The following NLRP12 variants were observed in gnomAD, a reference collection of about 807,000 sequenced individuals.
NLRP12 encodes NACHT, LRR and PYD domains-containing protein 12.
NLRP12 carries 108 observed loss-of-function variants against 91.2 expected under a neutral mutation model. The ratio of observed to expected loss-of-function variants is 1.18; its 90% CI spans 1.01 to 1.39. NLRP12 has a LOEUF of 1.39. Among genes scored for constraint, NLRP12 ranks in the 40% most tolerant of loss-of-function variants. The probability of loss-of-function intolerance (pLI) is 0.00; values close to 1 mark genes in which losing one functional copy is unlikely to be tolerated. For synonymous variants in NLRP12, 613 were observed against 566.7 expected (o/e 1.08, Z -1.16); for missense variants, 1,530 against 1,352.7 (o/e 1.13, Z -2.06).
At chr19:53,797,968 C>T (rs1199834784) in intron 8 of NLRP12, among the ~76,000 whole-genome samples, 2 of 152,152 alleles carry the variant, frequency 1.3e-5, no homozygotes, top group African/African-American at 4.8e-5. Context: ...CTCCTGACCT[C>T]AGGTGATCCA....
At chr19:53,799,353 T>TAAA (rs201032573) in intron 7 of NLRP12, among the ~76,000 whole-genome samples, 2 of 151,814 alleles carry the variant, frequency 1.3e-5, no homozygotes, top group African/African-American at 4.8e-5. Context: ...GGTGCCTTGA[T>TAAA]AAAAAAAATA....
At position 53,814,995 on chromosome 19, in the gene NLRP12, G is replaced by A; in HGVS notation, c.290-7C>T. 1 of 1,610,792 alleles carries A rather than the reference G, an allele frequency of 6.2e-7. No homozygotes were observed. Among genetic ancestry groups the A allele is most frequent in the Non-Finnish European group, 8.5e-7 (1 of 1,176,956 alleles). Reference sequence around the variant, plus strand: ...GGGCCACCAGGTGGGGTATCTGGAAGAGAAATTGTGGAAGATGAGCTAGCA... The same window carrying A: ...GGGCCACCAGGTGGGGTATCTGGAAAAGAAATTGTGGAAGATGAGCTAGCA... On this transcript the variant is annotated splice_polypyrimidine_tract_variant and splice_region_variant and intron_variant, in intron 1 of 9. Coordinates refer to ENST00000324134, the MANE Select transcript of NLRP12 (RefSeq NM_144687.4).
In NLRP12 at chr19:53,814,937, A is replaced by G. The variant is rs1381639772; in HGVS notation, c.341T>C (p.Leu114Pro). The change falls in exon 2 of 10, where the codon CTG becomes CCG. Residue 114 changes from leucine (L) to proline (P), a missense_variant. By Grantham distance (98) the Leu-to-Pro change is moderately conservative. Coordinates refer to ENST00000324134, the MANE Select transcript of NLRP12 (RefSeq NM_144687.4). Reference protein sequence around the residue: ...SSLGNQSTCLLEVSLVTPRKD... With the variant: ...SSLGNQSTCLPEVSLVTPRKD... Reference sequence around the variant, plus strand: ...TCTTGGAGTGACAAGAGAGACTTCCAGAAGGCATGTTGACTGGTTCCCAAG... The same window carrying G: ...TCTTGGAGTGACAAGAGAGACTTCCGGAAGGCATGTTGACTGGTTCCCAAG... 6 of 1,614,104 alleles carry G rather than the reference A, an allele frequency of 3.7e-6. No individual in the cohort carries two copies. The highest frequency in any genetic ancestry group is 4.2e-6 in the Non-Finnish European group (5 of 1,180,000).
chr19:53,813,590 C>G (rs1392007640), intron 2 of NLRP12, among the ~76,000 whole-genome samples: 2 of 152,106 alleles, frequency 1.3e-5, no homozygotes, highest in Non-Finnish European at 2.9e-5. Flanking sequence ...GCGTGAGCCA[C>G]CATGCCGGGC....
At chr19:53,795,275 A>G (rs1011647757) in intron 9 of NLRP12, among the ~76,000 whole-genome samples, 1 of 152,028 alleles carries the variant, frequency 6.6e-6, no homozygotes, top group Admixed American at 6.6e-5. Flanking sequence ...AAAAAAAGCA[A>G]TTGGAGTTTG....
intron 4 of NLRP12, among the ~76,000 whole-genome samples, chr19:53,806,610 G>A (rs2091961505): frequency 6.7e-6 from 1 of 149,406 alleles, no homozygotes; most frequent in East Asian, 2.0e-4. Context: ...GAACCCAGGA[G>A]GCAGAGGTTG....
Position 53,795,961 on chromosome 19 carries a change from G to T in NLRP12, c.2996C>A (p.Thr999Asn), listed in dbSNP as rs779333916. 4.3e-6 allele frequency: 7 copies of T among 1,614,052 alleles called. No homozygotes were observed. Among genetic ancestry groups the T allele is most frequent in the South Asian group, 1.1e-5 (1 of 91,096 alleles). ...NLYFTLGINQ[T>N]LTDLYLTNNA... ...GTTGGTCAGGTAAAGGTCGGTCAAGGTCTGGTTGATCCCCAGGGTGAAGTA... is the reference window on the plus strand; with the variant it reads ...GTTGGTCAGGTAAAGGTCGGTCAAGTTCTGGTTGATCCCCAGGGTGAAGTA... The change falls in exon 9 of 10, where the codon ACC becomes AAC. Residue 999 changes from threonine to asparagine, a missense_variant. Physicochemically the swap from Thr to Asn is moderately conservative, Grantham distance 65. Coordinates refer to ENST00000324134, the MANE Select transcript of NLRP12 (RefSeq NM_144687.4).
At chr19:53,795,045 C>T (rs936925453) in intron 9 of NLRP12, among the ~76,000 whole-genome samples, 1 of 151,922 alleles carries the variant, frequency 6.6e-6, no homozygotes, top group African/African-American at 2.4e-5. Flanking sequence ...TCAAAGGATC[C>T]TCCCACCTCA....
At chr19:53,798,477 C>T (rs750387808) in intron 7 of NLRP12, 64 bp from the exon 8 acceptor site, 109 of 1,528,060 alleles carry the variant, frequency 7.1e-5, no homozygotes, top group Non-Finnish European at 8.7e-5. Context: ...GCTGGGAGGG[C>T]CCTGTGCCAA....
At position 53,810,767 on chromosome 19, in the gene NLRP12, C is replaced by T. The variant is rs779570312; in HGVS notation, c.892G>A (p.Glu298Lys). 1.9e-6 allele frequency: 3 copies of T among 1,614,008 alleles called. No individual in the cohort carries two copies. The highest frequency in any genetic ancestry group is 2.2e-5 in the East Asian group (1 of 44,858). The change falls in exon 3 of 10, where the codon GAG becomes AAG. Residue 298 changes from glutamate to lysine, a missense_variant. Physicochemically the swap from Glu to Lys is moderately conservative, Grantham distance 56. Coordinates refer to ENST00000324134, the MANE Select transcript of NLRP12 (RefSeq NM_144687.4). ...GGATCGTGGAAAGAAGGCTTGAGCT[C>T]ATCGAAGCCGTCGATGATGAAAAGG... The part of the protein sequence containing the change: ...RLLFIIDGFD[E>K]LKPSFHDPQG...
At chr19:53,809,532 A>AAC in intron 3 of NLRP12, 55 bp downstream of exon 3, 6 of 1,399,042 alleles carry the variant, frequency 4.3e-6, no homozygotes, top group South Asian at 1.3e-5. Context: ...AAAAAAAAAA[A>AAC]AAAAAAAAAC....
At position 53,809,842 on chromosome 19, in the gene NLRP12, A is replaced by AG; in HGVS notation, c.1816dup (p.Leu606ProfsTer98). The AG allele has an allele frequency of 6.2e-7, 1 of 1,614,148 alleles. No individual in the cohort carries two copies. ...GAAGAACTCCAAGGAGCCCTGCTGC[A>AG]GGGTGGAGCCGTCGCTCTGAGCTTT... On this transcript the variant is annotated frameshift_variant, in exon 3 of 10. Coordinates refer to ENST00000324134, the MANE Select transcript of NLRP12 (RefSeq NM_144687.4). LOFTEE classifies it high-confidence loss of function.
At position 53,820,691 on chromosome 19, in the gene NLRP12, ATT is replaced by A. The variant is rs35015752; in HGVS notation, c.289+3193_289+3194del. Among the ~76,000 whole-genome samples, 214 of 139,936 alleles carry A rather than the reference ATT, an allele frequency of 1.5e-3. 1 individual carries two copies. The highest frequency in any genetic ancestry group is 3.9e-3 in the African/African-American group (150 of 38,206). The allele number at this position is 139,936 out of a possible 152,430, so 91.8% of individuals were successfully genotyped here. ...AGACCCTATCTCTAAAAAATAAATT[ATT>A]TTTTTTTTTTTTGAGACGGAGTCTT... On this transcript the variant is annotated intron_variant, in intron 1 of 9. Transcript: ENST00000324134.
In NLRP12 at chr19:53,793,934, A is replaced by G; in HGVS notation, c.*115T>C. 2 of 810,736 alleles carry G rather than the reference A, an allele frequency of 2.5e-6. No homozygotes were observed. The highest frequency in any genetic ancestry group is 4.4e-6 in the Non-Finnish European group (2 of 456,320). 50.2% of individuals were successfully genotyped at this position (810,736 alleles called of 1,614,324 possible). On this transcript the variant is annotated 3_prime_UTR_variant, in exon 10 of 10. Transcript: ENST00000324134. Reference sequence around the variant, plus strand: ...CCCAAGCAGAGGGACTTTTGATCTCAATCTGCATGAGTCTGTCTCTAGGAA... The same window carrying G: ...CCCAAGCAGAGGGACTTTTGATCTCGATCTGCATGAGTCTGTCTCTAGGAA...
Position 53,793,816 on chromosome 19 carries a change from ACCTCGTGATCCACCTGCCTCG to A in NLRP12, c.*212_*232del. ...TGGCCAGGCTAATCTCAAACTCCTG[ACCTCGTGATCCACCTGCCTCG>A]GCCTCTCGAAGTGCTAGGATTACAT... On this transcript the variant is annotated 3_prime_UTR_variant, in exon 10 of 10. Coordinates refer to ENST00000324134, the MANE Select transcript of NLRP12 (RefSeq NM_144687.4). 3.3e-6 allele frequency: 2 copies of A among 605,430 alleles called. No individual in the cohort carries two copies. The highest frequency in any genetic ancestry group is 5.9e-6 in the Non-Finnish European group (2 of 336,546). 37.5% of individuals were successfully genotyped at this position (605,430 alleles called of 1,614,324 possible).
At chr19:53,799,326 GTTT>G (rs1040035402) in intron 7 of NLRP12, among the ~76,000 whole-genome samples, 1 of 151,598 alleles carries the variant, frequency 6.6e-6, no homozygotes, top group African/African-American at 2.4e-5. Context: ...GTGATTTTTT[GTTT>G]TTTGTTTTTT....
chr19:53,801,398 C>A lies in NLRP12; in HGVS notation c.2586-1G>T. ...AGCAGTGAGGCGGCAGATCTTCAGC[C>A]TGCACAAAGTCCAATTCAACAAGCA... is the stretch of plus-strand genomic sequence containing the variant. On this transcript the variant is annotated splice_acceptor_variant, in intron 6 of 9. Coordinates refer to ENST00000324134, the MANE Select transcript of NLRP12 (RefSeq NM_144687.4). LOFTEE classifies it high-confidence loss of function. 3 of 1,613,504 alleles carry A rather than the reference C, an allele frequency of 1.9e-6. No individual in the cohort carries two copies.
chr19:53,807,160 C>T (rs1260116669), intron 4 of NLRP12, among the ~76,000 whole-genome samples: 1 of 151,722 alleles, frequency 6.6e-6, no homozygotes, highest in Non-Finnish European at 1.5e-5. Flanking sequence ...CTCCGCCTCC[C>T]AGGTTCAAGC....
In NLRP12 at chr19:53,798,240, C is replaced by T; in HGVS notation, c.2927+3G>A. The T allele has an allele frequency of 1.2e-6, 2 of 1,614,202 alleles. No homozygotes were observed. The highest frequency in any genetic ancestry group is 1.7e-5 in the Admixed American group (1 of 60,008). On this transcript the variant is annotated splice_donor_region_variant and intron_variant, in intron 8 of 9. Transcript: ENST00000324134. ...TGCCACCCCGTCACTCCCCGATGCT[C>T]ACCACAGTTTCTGGAGTCTGCAGGC...
Sources: allele counts gnomAD v4.1 joint callset (sites outside exome capture counted in the v4.1 genomes callset), GRCh38; gene constraint gnomAD v4.1.1; transcripts MANE v1.5; gene names NCBI Gene and HGNC (gene_info 2026-07-23, HGNC 2026-07-21).